Variants in VEPH1 observed in about 807,000 individuals in gnomAD.
VEPH1 encodes the protein ventricular zone-expressed PH domain-containing protein homolog 1.
VEPH1 carries 80 observed loss-of-function variants against 85.2 expected under a neutral mutation model. The ratio of observed to expected loss-of-function variants is 0.94; its 90% confidence interval spans 0.78 to 1.13. VEPH1 has a LOEUF of 1.13. Ranked by LOEUF, VEPH1 falls within the 50% of genes most tolerant of loss-of-function variation. The pLI, the probability that VEPH1 is intolerant of heterozygous loss-of-function variation, is 0.00. For missense variants in VEPH1, 955 were observed against 980.5 expected (o/e 0.97, Z 0.35); for synonymous variants, 297 against 348.0 (o/e 0.85, Z 1.63).
chr3:157,297,223 T>C (rs1163201960), intron 11 of VEPH1, among the ~76,000 whole-genome samples: 3 of 152,226 alleles, frequency 2.0e-5, no homozygotes, highest in Non-Finnish European at 4.4e-5. Context: ...CTTTCTGAAA[T>C]GAATGACTTC....
rs1732513434 is a variant in VEPH1, at chr3:157,423,533, C to T, written c.696+4789G>A. The stretch of plus-strand genomic sequence containing the variant: ...ATTCTGCTCTCCAATATTCAAGATT[C>T]CCAGCTCTGAATCATCTGCATAAAA... On this transcript the variant is annotated intron_variant, in intron 5 of 13. Coordinates refer to ENST00000362010, the MANE Select transcript of VEPH1 (RefSeq NM_001167912.2). 2.6e-5 allele frequency among the ~76,000 whole-genome samples: 4 copies of T among 152,226 alleles called. No individual in the cohort carries two copies. In the South Asian group the frequency reaches 8.3e-4, roughly 31 times the overall value.
At position 157,304,038 on chromosome 3, in the gene VEPH1, T is replaced by TATATATATATAC; in HGVS notation, c.2010+9582_2010+9583insGTATATATATAT. Among the ~76,000 whole-genome samples the TATATATATATAC allele has an allele frequency of 3.4e-4, 33 of 96,920 alleles. 2 individuals carry two copies. The East Asian group carries it at 7.4e-3, about 22-fold the overall frequency. The allele number at this position is 96,920 out of a possible 152,430, so 63.6% of individuals were successfully genotyped here. A position where few individuals can be genotyped will look rare whatever the true frequency, so the allele number is the denominator to read the frequency against. The stretch of plus-strand genomic sequence containing the variant: ...CTTATATTTTTTATATATATATATA[T>TATATATATATAC]ACACACATACTGTTACATCTTATAT... On this transcript the variant is annotated intron_variant, in intron 11 of 13. Transcript: ENST00000362010.
chr3:157,470,193 G>T, intron 3 of VEPH1, 121 bp downstream of exon 3: 1 of 871,040 alleles, frequency 1.1e-6, no homozygotes, highest in Non-Finnish European at 1.8e-6. Context: ...TTGATGGCTT[G>T]TAGTGTCTTT....
chr3:157,272,317 C>CCT (rs370989598), intron 12 of VEPH1, among the ~76,000 whole-genome samples: 10 of 141,068 alleles, frequency 7.1e-5, no homozygotes, highest in East Asian at 6.4e-4. Flanking sequence ...TCTCTCTCTC[C>CCT]CTCTCTCTCT....
intron 6 of VEPH1, among the ~76,000 whole-genome samples, chr3:157,400,124 C>A (rs1034537580): frequency 6.6e-6 from 1 of 152,016 alleles, no homozygotes; most frequent in African/African-American, 2.4e-5. Context: ...TTCAGGAACA[C>A]GCACTTTTTG....
intron 2 of VEPH1, among the ~76,000 whole-genome samples, chr3:157,477,316 C>T (rs774681674): frequency 6.6e-6 from 1 of 151,978 alleles, no homozygotes; most frequent in Non-Finnish European, 1.5e-5. Context: ...CTCTTTCTTC[C>T]ACCTTTGACC....
chr3:157,473,135 C>T (rs553894347), intron 2 of VEPH1, among the ~76,000 whole-genome samples: 5 of 129,258 alleles, frequency 3.9e-5, no homozygotes, highest in Admixed American at 9.7e-5. Flanking sequence ...TGCAGTGGTG[C>T]GATCTCAGGT....
At chr3:157,373,035 GTA>G (rs754122681) in intron 7 of VEPH1, among the ~76,000 whole-genome samples, 1 of 152,302 alleles carries the variant, frequency 6.6e-6, no homozygotes. Context: ...GGCTTTCTAT[GTA>G]TAGTCTTCAC....
Position 157,413,892 on chromosome 3 carries a change from G to A in VEPH1, c.895C>T (p.His299Tyr), listed in dbSNP as rs745417550. ...AAAGCCAAACTTACTTCATCCACAT[G>A]CCCAACAGCTCCATAAATCCTTGCC... ...QMARIYGAVG[H>Y]VDEERARSCL... The change falls in exon 6 of 14, where the codon CAT becomes TAT. Residue 299 changes from histidine to tyrosine, a missense_variant. Transcript: ENST00000362010. The A allele has an allele frequency of 1.2e-6, 2 of 1,613,212 alleles. No homozygotes were observed. The highest frequency in any genetic ancestry group is 2.2e-5 in the East Asian group (1 of 44,854).
Position 157,407,436 on chromosome 3 carries a change from C to T in VEPH1, c.906+6445G>A, listed in dbSNP as rs568072545. ...ATTTTTGTTATCCTTATTTCTCCCA[C>T]GAATGGTGGTCTGCGATACAAATGT... On this transcript the variant is annotated intron_variant, in intron 6 of 13. Transcript: ENST00000362010. 1.6e-4 allele frequency among the ~76,000 whole-genome samples: 24 copies of T among 152,264 alleles called. No homozygotes were observed. In the South Asian group the frequency reaches 3.3e-3, roughly 21 times the overall value.
At chr3:157,494,728 T>C (rs544576081) in intron 2 of VEPH1, among the ~76,000 whole-genome samples, 2 of 152,204 alleles carry the variant, frequency 1.3e-5, no homozygotes, top group South Asian at 4.2e-4. Context: ...TGGGCAACTG[T>C]CACTTCTGGC....
intron 7 of VEPH1, among the ~76,000 whole-genome samples, chr3:157,366,540 G>A (rs1383229056): frequency 1.3e-5 from 2 of 152,138 alleles, no homozygotes; most frequent in Non-Finnish European, 2.9e-5. Context: ...TTTGAGACCA[G>A]CCTGCTCAAC....
At chr3:157,437,924 C>G (rs777529930) in intron 4 of VEPH1, 1 of 1,528,150 alleles carries the variant, frequency 6.5e-7, no homozygotes, top group Admixed American at 2.0e-5. Flanking sequence ...GGTAAGGAGG[C>G]AAGCGGGGCC....
At chr3:157,267,577 G>T (rs1371475687) in intron 12 of VEPH1, among the ~76,000 whole-genome samples, 1 of 151,354 alleles carries the variant, frequency 6.6e-6, no homozygotes, top group Admixed American at 6.6e-5. Context: ...CTGAGGTCAG[G>T]AGTTTGAGAC....
At chr3:157,318,974 C>T (rs1721087673) in intron 9 of VEPH1, among the ~76,000 whole-genome samples, 1 of 152,052 alleles carries the variant, frequency 6.6e-6, no homozygotes, top group East Asian at 1.9e-4. Context: ...GTTGAATTCT[C>T]TAGAGAATGG....
At chr3:157,401,701 C>G (rs1002602446) in intron 6 of VEPH1, among the ~76,000 whole-genome samples, 9 of 151,808 alleles carry the variant, frequency 5.9e-5, no homozygotes, top group Admixed American at 4.6e-4. Flanking sequence ...CCTTCTAACA[C>G]TCCCTATTTT....
At chr3:157,502,848 T>C (rs1167822207) in intron 1 of VEPH1, among the ~76,000 whole-genome samples, 1 of 152,238 alleles carries the variant, frequency 6.6e-6, no homozygotes, top group East Asian at 1.9e-4. Flanking sequence ...ACCCACTGAC[T>C]GTAATGATGC....
At chr3:157,451,234 G>C (rs1020038963) in intron 4 of VEPH1, among the ~76,000 whole-genome samples, 1 of 152,068 alleles carries the variant, frequency 6.6e-6, no homozygotes, top group Non-Finnish European at 1.5e-5. Context: ...TTTTGTGTGT[G>C]AGTTGATTTT....
chr3:157,306,476 T>C (rs1205507941), intron 11 of VEPH1, among the ~76,000 whole-genome samples: 1 of 152,140 alleles, frequency 6.6e-6, no homozygotes, highest in African/African-American at 2.4e-5. Context: ...TATCCCATGC[T>C]ATTACATATA....
Sources: allele counts gnomAD v4.1 joint callset (sites outside exome capture counted in the v4.1 genomes callset), GRCh38; gene constraint gnomAD v4.1.1; transcripts MANE v1.5; gene names NCBI Gene and HGNC (gene_info 2026-07-23, HGNC 2026-07-21).